Variants in TUBGCP5 observed in about 807,000 individuals in gnomAD.
The protein encoded by TUBGCP5 is tubulin gamma complex component 5.
Under a neutral mutation model 134.7 loss-of-function variants are expected in TUBGCP5, and 98 were observed. The observed-to-expected ratio is 0.73, with a 90% CI of 0.62 to 0.86. TUBGCP5 has a LOEUF of 0.86. TUBGCP5 is among the 40% of genes least tolerant of loss of function. The pLI is 0.00. For missense variants in TUBGCP5, 1,150 were observed against 1,244.8 expected, an observed-to-expected ratio of 0.92 and a Z score of 1.15; for synonymous variants, 456 against 431.4, an observed-to-expected ratio of 1.06 and a Z score of -0.71.
chr15:23,032,794 G>T lies in TUBGCP5; in HGVS notation c.340C>A (p.Leu114Ile). ...GAAGGAGAGTCTGACAGACACAGAA[G>T]AAGTGACAGTATGGAATAATGTGCA... ...TDAHYSILSL[L>I]LCLSDSPSNS... Residue 114 changes from leucine to isoleucine, a missense_variant, in exon 4 of 23, where the codon CTT becomes ATT. Coordinates refer to ENST00000615383, the MANE Select transcript of TUBGCP5 (RefSeq NM_052903.6). 6.3e-7 allele frequency: 1 copy of T among 1,591,716 alleles called. No individual in the cohort carries two copies. Among genetic ancestry groups the T allele is most frequent in the Non-Finnish European group, 8.5e-7 (1 of 1,172,058 alleles).
At chr15:22,988,979 C>T (rs531119697) in intron 23 of TUBGCP5, among the ~76,000 whole-genome samples, 38 of 151,934 alleles carry the variant, frequency 2.5e-4, no homozygotes, top group Non-Finnish European at 4.6e-4. Flanking sequence ...TGCTCCTTCC[C>T]TTGACTTTTT....
chr15:22,994,158 G>A (rs887369881), intron 23 of TUBGCP5, among the ~76,000 whole-genome samples: 8 of 151,866 alleles, frequency 5.3e-5, no homozygotes, highest in Non-Finnish European at 1.0e-4. Flanking sequence ...GTGCAGTCTC[G>A]GCTCACTGCA....
intron 16 of TUBGCP5, among the ~76,000 whole-genome samples, chr15:23,008,170 T>C (rs945627703): frequency 1.3e-5 from 2 of 152,140 alleles, no homozygotes; most frequent in African/African-American, 2.4e-5. Flanking sequence ...CCCAAAGTGC[T>C]AGGATTACTG....
chr15:23,000,481 C>A (rs1231637993), intron 22 of TUBGCP5, 88 bp downstream of exon 22: 1 of 1,544,798 alleles, frequency 6.5e-7, no homozygotes, highest in Admixed American at 2.2e-5. Context: ...ATTTCTAATT[C>A]TTCATGGGAT....
intron 13 of TUBGCP5, among the ~76,000 whole-genome samples, chr15:23,012,112 A>T (rs10163151): frequency 0.5 from 70,221 of 140,768 alleles, 18,636 homozygotes; most frequent in African/African-American, 0.68. Flanking sequence ...GTGAAACCTG[A>T]CTCAAAAAAA....
Position 23,026,056 on chromosome 15 carries a change from G to A in TUBGCP5, c.827+60C>T. 4 of 1,403,390 alleles carry A rather than the reference G, an allele frequency of 2.9e-6. No homozygotes were observed. In the South Asian group the frequency reaches 5.1e-5, roughly 18 times the overall value. The allele number at this position is 1,403,390 out of a possible 1,614,324, so 86.9% of individuals were successfully genotyped here. A position where few individuals can be genotyped will look rare whatever the true frequency, so the allele number is the denominator to read the frequency against. ...GCTTGAAAAGTTTCCTTTAATAAAA[G>A]TTTTTGCTTCTCAGTAATCAAGTCT... On this transcript the variant is annotated intron_variant, in intron 8 of 22. Transcript: ENST00000615383.
intron 16 of TUBGCP5, 77 bp downstream of exon 16, chr15:23,008,622 T>C: frequency 1.4e-6 from 2 of 1,434,304 alleles, no homozygotes; most frequent in South Asian, 1.2e-5. Flanking sequence ...TAAAATAATA[T>C]GTGTAATTCA....
chr15:23,034,780 T>C, intron 3 of TUBGCP5, among the ~76,000 whole-genome samples: 1 of 151,752 alleles, frequency 6.6e-6, no homozygotes, highest in East Asian at 2.0e-4. Flanking sequence ...TGAGCTGAGA[T>C]TGCACCATTG....
chr15:22,990,349 G>A (rs193042871), intron 23 of TUBGCP5, among the ~76,000 whole-genome samples: 25 of 152,174 alleles, frequency 1.6e-4, no homozygotes, highest in Admixed American at 9.8e-4. Flanking sequence ...AGGCACCTAC[G>A]GCTTTGTCTC....
intron 22 of TUBGCP5, 61 bp from the exon 23 acceptor site, chr15:22,999,927 T>C: frequency 6.5e-7 from 1 of 1,535,678 alleles, no homozygotes; most frequent in South Asian, 1.1e-5. Context: ...AAAAATTTTT[T>C]TTGAAGACGG....
intron 9 of TUBGCP5, 173 bp from the exon 10 acceptor site, chr15:23,024,366 G>T: frequency 3.0e-6 from 2 of 666,146 alleles, no homozygotes; most frequent in Non-Finnish European, 4.5e-6. Flanking sequence ...AGGAAAAAGT[G>T]AACAATAATT....
Position 23,022,114 on chromosome 15 carries a change from A to G in TUBGCP5, c.1216T>C (p.Leu406=), listed in dbSNP as rs371257550. ...AIVVDKLAPR[L]SQLKVLHKVF... ...TTGTGCAGAACCTTGAGCTGAGACAATCGAGGTGCCAACTTGTCCACCACT... is the reference window on the plus strand; with the variant it reads ...TTGTGCAGAACCTTGAGCTGAGACAGTCGAGGTGCCAACTTGTCCACCACT... Residue 406 remains leucine (L), a synonymous_variant, in exon 11 of 23, where the codon TTG becomes CTG. Coordinates refer to ENST00000615383, the MANE Select transcript of TUBGCP5 (RefSeq NM_052903.6). 3.3e-5 allele frequency: 54 copies of G among 1,614,094 alleles called. No homozygotes were observed. Among genetic ancestry groups the G allele is most frequent in the Non-Finnish European group, 7.6e-6 (9 of 1,180,044 alleles).
intron 14 of TUBGCP5, 148 bp from the exon 15 acceptor site, chr15:23,010,281 T>G (rs1022929162): frequency 2.1e-6 from 2 of 941,732 alleles, no homozygotes; most frequent in Admixed American, 2.3e-5. Context: ...AAAAATATCC[T>G]TTGAGTGAAC....
intron 5 of TUBGCP5, 54 bp from the exon 6 acceptor site, chr15:23,031,074 A>G: frequency 2.7e-6 from 4 of 1,477,846 alleles, no homozygotes; most frequent in Middle Eastern, 1.8e-4. Context: ...ACTTAAAGCT[A>G]TTTACATTAA....
At chr15:23,033,858 T>C (rs1479429669) in intron 3 of TUBGCP5, among the ~76,000 whole-genome samples, 1 of 152,174 alleles carries the variant, frequency 6.6e-6, no homozygotes, top group Non-Finnish European at 1.5e-5. Flanking sequence ...TTTTCCTTTA[T>C]TGGGTATTAC....
chr15:23,017,697 A>G, intron 13 of TUBGCP5, 76 bp downstream of exon 13: 1 of 1,389,090 alleles, frequency 7.2e-7, no homozygotes, highest in Middle Eastern at 1.9e-4. Flanking sequence ...CAAAATAATT[A>G]GGTATCAGGA....
chr15:23,024,617 G>T, intron 9 of TUBGCP5, 120 bp downstream of exon 9: 4 of 562,736 alleles, frequency 7.1e-6, no homozygotes, highest in Admixed American at 3.7e-5. Context: ...GCTTTTTTTT[G>T]CATGTGAGGA....
chr15:22,994,975 G>C (rs146007050), downstream of TUBGCP5, among the ~76,000 whole-genome samples: 785 of 152,234 alleles, frequency 5.2e-3, 4 homozygotes, highest in Non-Finnish European at 7.9e-3. Flanking sequence ...CGGGGGCAGT[G>C]GCTCATGCCT....
intron 6 of TUBGCP5, among the ~76,000 whole-genome samples, chr15:23,028,682 T>A (rs764999450): frequency 3.9e-5 from 6 of 152,156 alleles, no homozygotes; most frequent in Admixed American, 6.5e-5. Flanking sequence ...CAAACAACCA[T>A]CACACTTAAC....
Sources: gnomAD v4.1 joint callset for allele counts (sites outside exome capture counted in the v4.1 genomes callset) on GRCh38, gnomAD v4.1.1 for gene constraint, MANE v1.5 for transcripts, NCBI Gene and HGNC (gene_info 2026-07-23, HGNC 2026-07-21) for gene names.